PLCG2: variants seen among roughly 807,000 people sequenced by gnomAD.
PLCG2 encodes phospholipase C gamma 2.
Under a neutral mutation model 175.6 loss-of-function variants are expected in PLCG2, and 69 were observed. The ratio of observed to expected loss-of-function variants is 0.39; its 90% CI spans 0.32 to 0.48. PLCG2 has a LOEUF of 0.48. Ranked by LOEUF, PLCG2 falls within the 20% of genes least tolerant of loss-of-function variation. The pLI is 0.91. For synonymous variants in PLCG2, 827 were observed against 624.0 expected (o/e 1.33, Z -4.85); for missense variants, 1,798 against 1,650.9 (o/e 1.09, Z -1.54).
intron 2 of PLCG2, among the ~76,000 whole-genome samples, chr16:81,805,087 C>G (rs1272106342): frequency 2.0e-5 from 3 of 152,170 alleles, no homozygotes; most frequent in Non-Finnish European, 1.5e-5. Context: ...TCCCCAATCA[C>G]CATGTGCCAG....
intron 25 of PLCG2, among the ~76,000 whole-genome samples, chr16:81,934,105 A>G (rs1319105867): frequency 6.6e-6 from 1 of 152,096 alleles, no homozygotes; most frequent in African/African-American, 2.4e-5. Flanking sequence ...GCTTTAGGGG[A>G]GGGGACAGGA....
intron 31 of PLCG2, among the ~76,000 whole-genome samples, chr16:81,946,832 GGTAAAACT>G (rs1394085661): frequency 6.6e-6 from 1 of 152,144 alleles, no homozygotes; most frequent in Admixed American, 6.5e-5. Flanking sequence ...TTAGCTGAAT[GGTAAAACT>G]GTAAAACCTG....
At chr16:81,843,273 A>G (rs1400073558) in intron 2 of PLCG2, among the ~76,000 whole-genome samples, 1 of 152,140 alleles carries the variant, frequency 6.6e-6, no homozygotes, top group East Asian at 1.9e-4. Flanking sequence ...TCTCCTTCTC[A>G]CTAGTAGTGC....
At chr16:81,917,951 G>A (rs911848130) in intron 19 of PLCG2, among the ~76,000 whole-genome samples, 2 of 152,156 alleles carry the variant, frequency 1.3e-5, no homozygotes, top group African/African-American at 4.8e-5. Flanking sequence ...TCGAACTCCT[G>A]ACCTCAAGTG....
chr16:81,827,517 C>T (rs1597340777), intron 2 of PLCG2, among the ~76,000 whole-genome samples: 1 of 152,062 alleles, frequency 6.6e-6, no homozygotes, highest in African/African-American at 2.4e-5. Context: ...ATCCTACTTC[C>T]TCTGTTTCAG....
Position 81,799,463 on chromosome 16 carries a change from C to T in PLCG2, c.193+13281C>T, listed in dbSNP as rs576859385. On this transcript the variant is annotated intron_variant, in intron 2 of 32. Transcript: ENST00000564138. ...TTTTTGAGGCAGGGTCTTGCTCTGTCACCCAGGTTGGTGTGCAGTGGTGTG... is the reference window on the plus strand; with the variant it reads ...TTTTTGAGGCAGGGTCTTGCTCTGTTACCCAGGTTGGTGTGCAGTGGTGTG... 7.2e-5 allele frequency among the ~76,000 whole-genome samples: 11 copies of T among 152,170 alleles called. 1 individual carries two copies. The highest frequency in any genetic ancestry group is 1.6e-4 in the Non-Finnish European group (11 of 68,036).
intron 2 of PLCG2, among the ~76,000 whole-genome samples, chr16:81,814,645 A>C (rs1028618055): frequency 1.3e-5 from 2 of 152,050 alleles, no homozygotes; most frequent in Non-Finnish European, 1.5e-5. Flanking sequence ...CAGTGAACCA[A>C]GATCATGCCA....
intron 2 of PLCG2, among the ~76,000 whole-genome samples, chr16:81,834,023 G>T (rs993090882): frequency 6.6e-6 from 1 of 152,176 alleles, no homozygotes; most frequent in Non-Finnish European, 1.5e-5. Context: ...CTGCTGGAAC[G>T]TGGGAATGGG....
At chr16:81,939,836 T>G in intron 29 of PLCG2, 56 bp from the exon 30 acceptor site, 2 of 1,229,202 alleles carry the variant, frequency 1.6e-6, no homozygotes, top group South Asian at 2.4e-5. Flanking sequence ...GGAGATTGTC[T>G]TACCAGAAGG....
At chr16:81,781,477 T>C (rs900337687) in intron 1 of PLCG2, among the ~76,000 whole-genome samples, 6 of 152,144 alleles carry the variant, frequency 3.9e-5, no homozygotes, top group African/African-American at 1.4e-4. Flanking sequence ...GTCGTACATA[T>C]TGCATCTTTG....
At chr16:81,896,184 T>G (rs1382350193) in intron 13 of PLCG2, among the ~76,000 whole-genome samples, 6 of 152,100 alleles carry the variant, frequency 3.9e-5, no homozygotes, top group Non-Finnish European at 5.9e-5. Context: ...GGCTGCTCAG[T>G]GCCCACCCCA....
At chr16:81,807,994 C>T (rs946247108) in intron 2 of PLCG2, among the ~76,000 whole-genome samples, 4 of 152,256 alleles carry the variant, frequency 2.6e-5, no homozygotes, top group African/African-American at 7.2e-5. Context: ...ACCCCACCTC[C>T]AGTACTGAGG....
At chr16:81,764,975 G>C (rs1352999608) in intron 2 of PLCG2, among the ~76,000 whole-genome samples, 1 of 130,026 alleles carries the variant, frequency 7.7e-6, no homozygotes, top group African/African-American at 2.7e-5. Flanking sequence ...TGTGGTCCCA[G>C]CTACTCGGGA....
At chr16:81,848,600 C>G (rs1017814917) in intron 2 of PLCG2, among the ~76,000 whole-genome samples, 1 of 152,174 alleles carries the variant, frequency 6.6e-6, no homozygotes, top group Non-Finnish European at 1.5e-5. Context: ...GTCTCCTCCT[C>G]TGTCCTTCTT....
At chr16:81,824,622 A>G (rs1207246393) in intron 2 of PLCG2, among the ~76,000 whole-genome samples, 1 of 152,094 alleles carries the variant, frequency 6.6e-6, no homozygotes. Flanking sequence ...GGTGTGGGAG[A>G]GACTGGGCAT....
chr16:81,759,521 C>G (rs1909995123), intron 2 of PLCG2, among the ~76,000 whole-genome samples: 1 of 152,152 alleles, frequency 6.6e-6, no homozygotes, highest in Non-Finnish European at 1.5e-5. Flanking sequence ...CATTTTCAAC[C>G]TGAATAGATC....
At chr16:81,893,327 G>T (rs558566218) in intron 11 of PLCG2, among the ~76,000 whole-genome samples, 1 of 152,332 alleles carries the variant, frequency 6.6e-6, no homozygotes, top group South Asian at 2.1e-4. Flanking sequence ...GATATCAAAA[G>T]AAGTGCCCAT....
intron 1 of PLCG2, among the ~76,000 whole-genome samples, chr16:81,750,026 G>T (rs1909776418): frequency 6.6e-6 from 1 of 151,188 alleles, no homozygotes; most frequent in South Asian, 2.1e-4. Context: ...AACAACAGTA[G>T]AATAATATGA....
rs143658063 is a variant in PLCG2 at position 81,957,086 on chromosome 16, G to A, written c.3755+207G>A. ...GGCTGAGGAGGTTGGATCACCTGAGGTCAGGAGTTCAAGACCAGCGTGCCC... is the reference window on the plus strand; with the variant it reads ...GGCTGAGGAGGTTGGATCACCTGAGATCAGGAGTTCAAGACCAGCGTGCCC... On this transcript the variant is annotated intron_variant, in intron 32 of 32. Coordinates refer to ENST00000564138, the MANE Select transcript of PLCG2 (RefSeq NM_002661.5). 3.4e-3 allele frequency among the ~76,000 whole-genome samples: 522 copies of A among 152,098 alleles called. 1 individual carries two copies. The highest frequency in any genetic ancestry group is 0.012 in the African/African-American group (492 of 41,450).
Sources: allele counts gnomAD v4.1 joint callset (sites outside exome capture counted in the v4.1 genomes callset), GRCh38; gene constraint gnomAD v4.1.1; transcripts MANE v1.5; gene names NCBI Gene and HGNC (gene_info 2026-07-23, HGNC 2026-07-21).